RAB8B: variants seen among roughly 807,000 people sequenced by gnomAD.
RAB8B encodes ras-related protein Rab-8B.
In RAB8B, 11 loss-of-function variants were observed where a neutral mutation model predicts 32.0. The observed-to-expected ratio is 0.34, with a 90% CI of 0.22 to 0.57. The LOEUF (loss-of-function observed/expected upper bound fraction) is 0.57, where lower values mean the gene tolerates loss of function less well. Among genes scored for constraint, RAB8B ranks in the 20% least tolerant of loss-of-function variants. The probability of loss-of-function intolerance (pLI) is 0.86; values close to 1 mark genes in which losing one functional copy is unlikely to be tolerated. For synonymous variants in RAB8B, 103 were observed against 89.6 expected, an observed-to-expected ratio of 1.15 and a Z score of -0.85; for missense variants, 190 against 258.5, an observed-to-expected ratio of 0.73 and a Z score of 1.82.
chr15:63,261,737 G>A (rs1050753369), intron 6 of RAB8B, among the ~76,000 whole-genome samples: 10 of 152,154 alleles, frequency 6.6e-5, no homozygotes, highest in African/African-American at 2.4e-4. Context: ...TGATTGGATT[G>A]GAAATAATCC....
At chr15:63,220,848 A>G (rs1299885468) in intron 1 of RAB8B, among the ~76,000 whole-genome samples, 1 of 152,192 alleles carries the variant, frequency 6.6e-6, no homozygotes, top group Non-Finnish European at 1.5e-5. Flanking sequence ...AAAAGGGTTT[A>G]TCTTTCATTT....
intron 1 of RAB8B, among the ~76,000 whole-genome samples, chr15:63,230,114 A>G (rs928529532): frequency 3.3e-5 from 5 of 152,044 alleles, no homozygotes; most frequent in African/African-American, 1.2e-4. Flanking sequence ...AACTTTACTC[A>G]TCAGCAATAG....
chr15:63,222,435 T>C (rs2037851982), intron 1 of RAB8B, among the ~76,000 whole-genome samples: 1 of 152,228 alleles, frequency 6.6e-6, no homozygotes, highest in Non-Finnish European at 1.5e-5. Context: ...ATTAAATTCC[T>C]TCTGTTGTAA....
At chr15:63,221,290 A>G (rs1251795068) in intron 1 of RAB8B, among the ~76,000 whole-genome samples, 1 of 152,230 alleles carries the variant, frequency 6.6e-6, no homozygotes, top group Non-Finnish European at 1.5e-5. Flanking sequence ...TACATAAACT[A>G]AAAAGGTATC....
At chr15:63,228,445 G>A (rs1357034257) in intron 1 of RAB8B, among the ~76,000 whole-genome samples, 1 of 152,202 alleles carries the variant, frequency 6.6e-6, no homozygotes, top group Non-Finnish European at 1.5e-5. Context: ...TTAGGGACAG[G>A]GATAGCCTGG....
At chr15:63,257,066 G>C (rs2038164010) in intron 5 of RAB8B, among the ~76,000 whole-genome samples, 1 of 152,082 alleles carries the variant, frequency 6.6e-6, no homozygotes, top group South Asian at 2.1e-4. Flanking sequence ...AACTGATCAA[G>C]CTATGGATGT....
chr15:63,260,667 C>T (rs1383997110), intron 6 of RAB8B, among the ~76,000 whole-genome samples: 1 of 151,282 alleles, frequency 6.6e-6, no homozygotes, highest in African/African-American at 2.4e-5. Flanking sequence ...ACATGTATCC[C>T]AGAACTTAAA....
intron 1 of RAB8B, among the ~76,000 whole-genome samples, chr15:63,193,802 C>G (rs371446902): frequency 1.3e-5 from 2 of 149,038 alleles, no homozygotes; most frequent in African/African-American, 5.0e-5. Flanking sequence ...CAGAGCAAGA[C>G]TCCATCTCAA....
chr15:63,250,760 G>GAT (rs1367518995), intron 3 of RAB8B, among the ~76,000 whole-genome samples: 2 of 150,372 alleles, frequency 1.3e-5, no homozygotes, highest in Non-Finnish European at 3.0e-5. Context: ...TTGGAGTCTT[G>GAT]AATTATGATG....
At chr15:63,256,473 T>C in intron 4 of RAB8B, 32 bp from the exon 5 acceptor site, 1 of 1,506,964 alleles carries the variant, frequency 6.6e-7, no homozygotes, top group Non-Finnish European at 9.0e-7. Context: ...TTTCTCAGGC[T>C]GTTTTTATAG....
chr15:63,201,162 A>G (rs915656249), intron 1 of RAB8B, among the ~76,000 whole-genome samples: 3 of 152,192 alleles, frequency 2.0e-5, no homozygotes, highest in African/African-American at 2.4e-5. Context: ...CACTCATTCA[A>G]CACTTTTTGG....
At chr15:63,252,154 T>G (rs1595749363) in intron 3 of RAB8B, among the ~76,000 whole-genome samples, 1 of 152,036 alleles carries the variant, frequency 6.6e-6, no homozygotes, top group East Asian at 1.9e-4. Context: ...CCGATACACT[T>G]GAATTTGTAT....
At chr15:63,249,836 A>G (rs1480160776) in intron 3 of RAB8B, 131 bp downstream of exon 3, 2 of 1,040,342 alleles carry the variant, frequency 1.9e-6, no homozygotes, top group African/African-American at 1.6e-5. Context: ...GAAACAAGAC[A>G]TTTAAAAGGT....
intron 1 of RAB8B, among the ~76,000 whole-genome samples, chr15:63,197,365 C>CTTTTTTTTTTTTT (rs2037610287): frequency 1.2e-5 from 1 of 85,570 alleles, no homozygotes; most frequent in African/African-American, 4.8e-5. Flanking sequence ...TTCTTTCTTT[C>CTTTTTTTTTTTTT]TTTTCTTTTT....
intron 1 of RAB8B, among the ~76,000 whole-genome samples, chr15:63,195,453 G>A (rs1206732651): frequency 4.6e-5 from 7 of 152,218 alleles, no homozygotes; most frequent in African/African-American, 1.7e-4. Flanking sequence ...AGCAAGTCAG[G>A]GAGGAGGTTC....
At chr15:63,230,397 G>T (rs142924240) in intron 1 of RAB8B, among the ~76,000 whole-genome samples, 2,787 of 152,214 alleles carry the variant, frequency 0.018, 41 homozygotes, top group South Asian at 0.047. Flanking sequence ...CGCCTCCCGG[G>T]TTCGAGGAAT....
chr15:63,235,866 T>C (rs1229443708), intron 1 of RAB8B, among the ~76,000 whole-genome samples: 1 of 152,178 alleles, frequency 6.6e-6, no homozygotes, highest in Non-Finnish European at 1.5e-5. Flanking sequence ...CTACTCTACT[T>C]GTATACCAAG....
chr15:63,225,410 C>T (rs2037880540), intron 1 of RAB8B, among the ~76,000 whole-genome samples: 2 of 152,178 alleles, frequency 1.3e-5, no homozygotes, highest in South Asian at 4.1e-4. Flanking sequence ...TATTTTAAGC[C>T]GAATTTGTTT....
intron 1 of RAB8B, among the ~76,000 whole-genome samples, chr15:63,218,995 C>T (rs886785603): frequency 1.5e-5 from 2 of 134,644 alleles, no homozygotes; most frequent in Non-Finnish European, 3.1e-5. Flanking sequence ...TCTTTTCTTC[C>T]AGCAGTGGAT....
Sources: gnomAD v4.1 joint callset for allele counts (sites outside exome capture counted in the v4.1 genomes callset) on GRCh38, gnomAD v4.1.1 for gene constraint, MANE v1.5 for transcripts, NCBI Gene and HGNC (gene_info 2026-07-23, HGNC 2026-07-21) for gene names.